THRAP3: variants seen among roughly 807,000 people sequenced by gnomAD.
THRAP3 encodes the protein thyroid hormone receptor associated protein 3.
Under a neutral mutation model 101.0 loss-of-function variants are expected in THRAP3, and 16 were observed. The ratio of observed to expected loss-of-function variants is 0.16; its 90% CI spans 0.11 to 0.24. THRAP3 has a LOEUF of 0.24. Ranked by LOEUF, THRAP3 falls within the 10% of genes least tolerant of loss-of-function variation. The pLI, the probability that THRAP3 is intolerant of heterozygous loss-of-function variation, is 1.00. For synonymous variants in THRAP3, 407 were observed against 422.6 expected, an observed-to-expected ratio of 0.96 and a Z score of 0.45; for missense variants, 989 against 1,202.7, an observed-to-expected ratio of 0.82 and a Z score of 2.63.
chr1:36,297,997 A>AT (rs1049516643), intron 9 of THRAP3, among the ~76,000 whole-genome samples: 6 of 150,752 alleles, frequency 4.0e-5, no homozygotes, highest in Non-Finnish European at 8.9e-5. Flanking sequence ...AAAAAAAAAA[A>AT]TTAGCCGGGC....
chr1:36,237,333 T>C (rs1645102283), intron 1 of THRAP3, among the ~76,000 whole-genome samples: 1 of 151,708 alleles, frequency 6.6e-6, no homozygotes, highest in Non-Finnish European at 1.5e-5. Flanking sequence ...CTGGGCGTGT[T>C]GGCAAGCACC....
At chr1:36,276,592 C>T (rs1468839770) in intron 2 of THRAP3, among the ~76,000 whole-genome samples, 2 of 150,234 alleles carry the variant, frequency 1.3e-5, no homozygotes, top group African/African-American at 4.9e-5. Flanking sequence ...CATGGAGGCT[C>T]ATGCCTGTAA....
At chr1:36,291,612 T>C in intron 6 of THRAP3, 66 bp downstream of exon 6, 1 of 1,565,394 alleles carries the variant, frequency 6.4e-7, no homozygotes, top group Non-Finnish European at 8.7e-7. Context: ...GAATGATGGG[T>C]GGATAAGGAG....
chr1:36,243,965 C>CA (rs1385228143), intron 1 of THRAP3, among the ~76,000 whole-genome samples: 2 of 126,488 alleles, frequency 1.6e-5, no homozygotes, highest in African/African-American at 6.1e-5. Context: ...GGCTGGCGGG[C>CA]GGGGGGCTGA....
chr1:36,269,321 A>G (rs904098354), intron 2 of THRAP3, among the ~76,000 whole-genome samples: 1 of 152,050 alleles, frequency 6.6e-6, no homozygotes, highest in African/African-American at 2.4e-5. Context: ...TAGAAGCTGC[A>G]GCCTTTTGGG....
At chr1:36,294,232 T>G (rs1029685293) in intron 8 of THRAP3, 11 of 1,157,182 alleles carry the variant, frequency 9.5e-6, no homozygotes, top group African/African-American at 1.6e-5. Flanking sequence ...TTTGTGATAT[T>G]TTTCTGCTTG....
rs1425920846 is a variant in THRAP3 at position 36,289,789 on chromosome 1, T to C, written c.1745+25T>C. The C allele has an allele frequency of 5.1e-6, 8 of 1,571,366 alleles. No individual in the cohort carries two copies. In the Admixed American group the frequency reaches 5.6e-5, roughly 11 times the overall value. ...GGTGAGATATGCTCCTTCTTGATCC[T>C]CAGTGCTTTAGTGGCCTAAGTGGTG... On this transcript the variant is annotated intron_variant, in intron 5 of 11. Transcript: ENST00000354618.
At chr1:36,279,947 C>T (rs766223022) in intron 2 of THRAP3, among the ~76,000 whole-genome samples, 1 of 152,148 alleles carries the variant, frequency 6.6e-6, no homozygotes, top group Non-Finnish European at 1.5e-5. Context: ...CCCTTGTATG[C>T]CAGACACTGC....
intron 3 of THRAP3, 78 bp downstream of exon 3, chr1:36,282,778 T>G: frequency 6.4e-7 from 1 of 1,551,604 alleles, no homozygotes; most frequent in South Asian, 1.1e-5. Context: ...TTTGTTAGAC[T>G]TTTCCTGTGA....
chr1:36,233,288 A>T (rs543994203), intron 1 of THRAP3, among the ~76,000 whole-genome samples: 1 of 151,408 alleles, frequency 6.6e-6, no homozygotes, highest in African/African-American at 2.4e-5. Flanking sequence ...TGGGCGGATC[A>T]CGAGGTCAGG....
intron 2 of THRAP3, among the ~76,000 whole-genome samples, chr1:36,276,177 C>G (rs1645657108): frequency 6.8e-6 from 1 of 147,578 alleles, no homozygotes; most frequent in South Asian, 2.1e-4. Context: ...ACATGTCACA[C>G]AAAGTACAAG....
At chr1:36,275,606 T>A (rs1363442050) in intron 2 of THRAP3, among the ~76,000 whole-genome samples, 29 of 58,210 alleles carry the variant, frequency 5.0e-4, no homozygotes, top group East Asian at 1.3e-3. Flanking sequence ...AAAAAAAAAG[T>A]CTTCTTTTTT....
At chr1:36,269,250 C>T (rs1298000754) in intron 2 of THRAP3, among the ~76,000 whole-genome samples, 2 of 152,100 alleles carry the variant, frequency 1.3e-5, no homozygotes, top group Non-Finnish European at 2.9e-5. Context: ...TCTGCAGATG[C>T]CAAACAAACA....
chr1:36,292,685 A>G lies in THRAP3; in HGVS notation c.2006A>G (p.Asn669Ser), dbSNP rs1645891636. 1 of 1,613,590 alleles carries G rather than the reference A, an allele frequency of 6.2e-7. No homozygotes were observed. Among genetic ancestry groups the G allele is most frequent in the Non-Finnish European group, 8.5e-7 (1 of 1,179,830 alleles). The change falls in exon 7 of 12, where the codon AAC becomes AGC. Residue 669 changes from asparagine to serine, a missense_variant. Asn to Ser is a conservative substitution (Grantham distance 46). Coordinates refer to ENST00000354618, the MANE Select transcript of THRAP3 (RefSeq NM_005119.4). Reference sequence around the variant, plus strand: ...GGAACTGAGCAGGAGGCAGCCAAAAACAAGAAAAGCCCAGAGATACACAGG... The same window carrying G: ...GGAACTGAGCAGGAGGCAGCCAAAAGCAAGAAAAGCCCAGAGATACACAGG... ...KRGTEQEAAK[N>S]KKSPEIHRRI... is the part of the protein sequence containing the mutation.
intron 7 of THRAP3, among the ~76,000 whole-genome samples, chr1:36,293,131 C>G: frequency 6.8e-6 from 1 of 146,568 alleles, no homozygotes; most frequent in Non-Finnish European, 1.5e-5. Context: ...CAGGTTCAAG[C>G]AATTCTCATG....
chr1:36,292,543 T>A (rs938110060), intron 6 of THRAP3, 55 bp from the exon 7 acceptor site: 356 of 1,427,960 alleles, frequency 2.5e-4, no homozygotes, highest in Non-Finnish European at 1.8e-4. Context: ...GTGGTGGGAT[T>A]ATAGGCTTGA....
At chr1:36,284,046 C>T (rs1362151447) in intron 3 of THRAP3, among the ~76,000 whole-genome samples, 1 of 152,118 alleles carries the variant, frequency 6.6e-6, no homozygotes, top group Non-Finnish European at 1.5e-5. Flanking sequence ...TCAGTTTTAG[C>T]TCATTTGGTT....
rs1238970569 is a variant in THRAP3 at position 36,286,787 on chromosome 1, A to G, written c.557A>G (p.Asp186Gly). ...AAGGAGAAAAAGTCCTCTTCTAAGG[A>G]TAGCCGGCCATCTCAGGCTGCCGGG... The part of the protein sequence containing the change: ...SAKEKKSSSK[D>G]SRPSQAAGDN... Residue 186 changes from aspartate to glycine, a missense_variant, in exon 4 of 12, where the codon GAT (aspartate) becomes GGT (glycine). By Grantham distance (94) the Asp-to-Gly change is moderately conservative (BLOSUM62 -1). Transcript: ENST00000354618. The surrounding 1 kb of genome is among the most constrained non-coding windows in gnomAD (Gnocchi z 5.5). The G allele has an allele frequency of 1.2e-6, 2 of 1,614,240 alleles. No individual in the cohort carries two copies. The highest frequency in any genetic ancestry group is 2.2e-5 in the South Asian group (2 of 91,082).
rs888277819 is a variant in THRAP3 at position 36,224,940 on chromosome 1, T to G, written c.-135+435T>G. The G allele has an allele frequency of 5.3e-5, 8 of 152,330 alleles. 1 individual carries two copies. The highest frequency in any genetic ancestry group is 4.6e-4 in the Admixed American group (7 of 15,280). 9.4% of individuals were successfully genotyped at this position (152,330 alleles called of 1,614,324 possible). On this transcript the variant is annotated intron_variant, in intron 1 of 11. Coordinates refer to ENST00000354618, the MANE Select transcript of THRAP3 (RefSeq NM_005119.4). ...TAGGGCGCATGTGGCTGCCACTCAG[T>G]AAATGTTAGTACCGCTTCCGTTCTT...
Sources: gnomAD v4.1 joint callset for allele counts (sites outside exome capture counted in the v4.1 genomes callset) on GRCh38, gnomAD v4.1.1 for gene constraint, Gnocchi (gnomAD v3.1) non-coding constraint, MANE v1.5 for transcripts, NCBI Gene and HGNC (gene_info 2026-07-23, HGNC 2026-07-21) for gene names.